The following ZNF136 variants were observed in gnomAD, a reference collection of about 807,000 sequenced individuals.
ZNF136 encodes zinc finger protein 136 (clone pHZ-20).
A neutral mutation model predicts 11.4 loss-of-function variants in ZNF136; 8 were observed. The observed-to-expected ratio is 0.70, with a 90% CI of 0.41 to 1.27. The LOEUF is 1.27. Among genes scored for constraint, ZNF136 ranks in the 50% most tolerant of loss-of-function variants. The pLI, the probability that ZNF136 is intolerant of heterozygous loss-of-function variation, is 0.01. For missense variants in ZNF136, 590 were observed against 656.5 expected (o/e 0.90, Z 1.11); for synonymous variants, 190 against 207.1 (o/e 0.92, Z 0.71).
rs755913546 is a variant in ZNF136, at chr19:12,163,171, AGG to A, written c.-31_-30del. 6 of 1,398,032 alleles carry A rather than the reference AGG, an allele frequency of 4.3e-6. No homozygotes were observed. Among genetic ancestry groups the A allele is most frequent in the Non-Finnish European group, 3.7e-6 (4 of 1,068,690 alleles). 86.6% of individuals were successfully genotyped at this position (1,398,032 alleles called of 1,614,324 possible). On this transcript the variant is annotated 5_prime_UTR_variant, in exon 1 of 4. Transcript: ENST00000343979. ...TTCCTGTACCTGCCTTGGGATCCGG[AGG>A]GAGGAAGCTGGGACACCCGGGAGTC...
chr19:12,173,905 C>T (rs1914722584), intron 1 of ZNF136, among the ~76,000 whole-genome samples: 1 of 151,676 alleles, frequency 6.6e-6, no homozygotes, highest in Non-Finnish European at 1.5e-5. Flanking sequence ...TGATTACTTG[C>T]CTTTTTTTTT....
At chr19:12,167,113 C>G (rs1301314180) in intron 1 of ZNF136, among the ~76,000 whole-genome samples, 1 of 152,190 alleles carries the variant, frequency 6.6e-6, no homozygotes, top group Non-Finnish European at 1.5e-5. Context: ...TGAGGTTATT[C>G]TGTTCTTAGG....
intron 1 of ZNF136, among the ~76,000 whole-genome samples, chr19:12,163,532 G>A (rs1772670993): frequency 6.6e-6 from 1 of 152,238 alleles, no homozygotes; most frequent in African/African-American, 2.4e-5. Context: ...TGTGGTGTAT[G>A]AGGTTCCCAG....
At position 12,164,439 on chromosome 19, in the gene ZNF136, CT is replaced by C. The variant is rs61233117; in HGVS notation, c.3+1256del. 4.6e-3 allele frequency among the ~76,000 whole-genome samples: 562 copies of C among 122,804 alleles called. 2 individuals carry two copies. The highest frequency in any genetic ancestry group is 0.028 in the East Asian group (118 of 4,260). 80.6% of individuals were successfully genotyped at this position (122,804 alleles called of 152,430 possible). ...GTTTTGCGCCACCACTCCCAGATAA[CT>C]TTTTTTTTTTTTTTTTTTTTTTGAG... On this transcript the variant is annotated intron_variant, in intron 1 of 3. Transcript: ENST00000343979.
At chr19:12,175,155 G>A (rs933052855) in intron 1 of ZNF136, among the ~76,000 whole-genome samples, 4 of 151,872 alleles carry the variant, frequency 2.6e-5, no homozygotes, top group Non-Finnish European at 4.4e-5. Flanking sequence ...AGTGAAAGGA[G>A]GTCAGTTGAA....
rs1053737276 is a variant in ZNF136 at position 12,189,786 on chromosome 19, C to G, written c.*1785C>G. 1 of 152,060 alleles carries G rather than the reference C, an allele frequency of 6.6e-6. No homozygotes were observed. Among genetic ancestry groups the G allele is most frequent in the Admixed American group, 6.6e-5 (1 of 15,248 alleles). The allele number at this position is 152,060 out of a possible 1,614,324, so 9.4% of individuals were successfully genotyped here. A position where few individuals can be genotyped will look rare whatever the true frequency, so the allele number is the denominator to read the frequency against. On this transcript the variant is annotated 3_prime_UTR_variant, in exon 4 of 4. Coordinates refer to ENST00000343979, the MANE Select transcript of ZNF136 (RefSeq NM_003437.5). ...TATTTTAACCTGTTGTTCTTTACTC[C>G]TTGTTATTTATTCTGGCTGCTCTTT...
intron 1 of ZNF136, among the ~76,000 whole-genome samples, chr19:12,171,356 A>G (rs376744114): frequency 2.0e-5 from 3 of 152,202 alleles, no homozygotes; most frequent in Non-Finnish European, 4.4e-5. Flanking sequence ...GGGAATGCCA[A>G]TGGAATATAT....
intron 1 of ZNF136, among the ~76,000 whole-genome samples, chr19:12,182,288 C>T (rs1914963662): frequency 6.6e-6 from 1 of 151,968 alleles, no homozygotes; most frequent in Admixed American, 6.5e-5. Flanking sequence ...TATCAGAATG[C>T]CTTTGCATTG....
In ZNF136 at chr19:12,188,088, G is replaced by A; in HGVS notation, c.*87G>A. On this transcript the variant is annotated 3_prime_UTR_variant, in exon 4 of 4. Coordinates refer to ENST00000343979, the MANE Select transcript of ZNF136 (RefSeq NM_003437.5). ...GTAACGTGGGAAAGCATGAAATTCT[G>A]TCAGTGCCTTTTTTAATACATGAAA... 8.4e-7 allele frequency: 1 copy of A among 1,188,860 alleles called. No homozygotes were observed. The highest frequency in any genetic ancestry group is 1.1e-6 in the Non-Finnish European group (1 of 886,938). 73.6% of individuals were successfully genotyped at this position (1,188,860 alleles called of 1,614,324 possible). A position where few individuals can be genotyped will look rare whatever the true frequency, so the allele number is the denominator to read the frequency against.
intron 1 of ZNF136, among the ~76,000 whole-genome samples, chr19:12,177,074 C>G (rs1337259680): frequency 6.6e-6 from 1 of 152,132 alleles, no homozygotes; most frequent in Non-Finnish European, 1.5e-5. Flanking sequence ...AACAGACATC[C>G]TTGTCTTGTA....
At chr19:12,180,001 G>T (rs571386296) in intron 1 of ZNF136, among the ~76,000 whole-genome samples, 1 of 152,082 alleles carries the variant, frequency 6.6e-6, no homozygotes, top group East Asian at 1.9e-4. Context: ...GAGTAGCTGG[G>T]ACTACAGGTG....
In ZNF136 at chr19:12,189,571, G is replaced by C. The variant is rs964654351; in HGVS notation, c.*1570G>C. ...GGGGTTTCACCATGTTGGCCAGGCT[G>C]GTAGAACTCCTGACCTCAAGTGATC... On this transcript the variant is annotated 3_prime_UTR_variant, in exon 4 of 4. Coordinates refer to ENST00000343979, the MANE Select transcript of ZNF136 (RefSeq NM_003437.5). 6.6e-6 allele frequency: 1 copy of C among 152,034 alleles called. No individual in the cohort carries two copies. The allele number at this position is 152,034 out of a possible 1,614,324, so 9.4% of individuals were successfully genotyped here. A position where few individuals can be genotyped will look rare whatever the true frequency, so the allele number is the denominator to read the frequency against.
At chr19:12,165,337 C>A (rs1480447366) in intron 1 of ZNF136, among the ~76,000 whole-genome samples, 2 of 152,118 alleles carry the variant, frequency 1.3e-5, no homozygotes, top group Non-Finnish European at 2.9e-5. Flanking sequence ...TGTCTGTATT[C>A]CAGGTCAGCA....
intron 1 of ZNF136, among the ~76,000 whole-genome samples, chr19:12,170,060 C>T (rs989263779): frequency 6.7e-6 from 1 of 149,304 alleles, no homozygotes; most frequent in African/African-American, 2.4e-5. Context: ...TCCCAAAGTG[C>T]TGGGATTACA....
chr19:12,187,455 T>G lies in ZNF136; in HGVS notation c.1077T>G (p.Thr359=). 6.2e-7 allele frequency: 1 copy of G among 1,613,946 alleles called. No homozygotes were observed. Among genetic ancestry groups the G allele is most frequent in the Non-Finnish European group, 8.5e-7 (1 of 1,179,972 alleles). The stretch of plus-strand genomic sequence containing the variant: ...TTCAAATACATGAAAGGACTCACAC[T>G]GGAGAAAAACCTTATGAATGTAAGG... ...STFQIHERTH[T]GEKPYECKEC... The change falls in exon 4 of 4, where the codon ACT becomes ACG. Residue 359 remains threonine, a synonymous_variant. Transcript: ENST00000343979.
intron 3 of ZNF136, 51 bp from the exon 4 acceptor site, chr19:12,186,519 A>C: frequency 7.1e-7 from 1 of 1,399,430 alleles, no homozygotes. Flanking sequence ...AATAGCTATT[A>C]ATATAAAATG....
chr19:12,178,747 T>G (rs1349366230), intron 1 of ZNF136, among the ~76,000 whole-genome samples: 1 of 152,040 alleles, frequency 6.6e-6, no homozygotes, highest in Non-Finnish European at 1.5e-5. Flanking sequence ...TCCCAGTACT[T>G]TGGGAGGCTG....
chr19:12,178,370 G>T (rs1285066416), intron 1 of ZNF136, among the ~76,000 whole-genome samples: 1 of 152,192 alleles, frequency 6.6e-6, no homozygotes, highest in African/African-American at 2.4e-5. Flanking sequence ...TCTTTCTGCA[G>T]TGTCTGGTTT....
At chr19:12,166,368 G>A (rs1453492691) in intron 1 of ZNF136, among the ~76,000 whole-genome samples, 1 of 152,120 alleles carries the variant, frequency 6.6e-6, no homozygotes, top group Non-Finnish European at 1.5e-5. Context: ...GGAATTCCAG[G>A]GCTTAACCTT....
Sources: allele counts gnomAD v4.1 joint callset (sites outside exome capture counted in the v4.1 genomes callset), GRCh38; gene constraint gnomAD v4.1.1; transcripts MANE v1.5; gene names NCBI Gene and HGNC (gene_info 2026-07-23, HGNC 2026-07-21).